The following CYRIB variants were observed in gnomAD, a reference collection of about 807,000 sequenced individuals.
CYRIB encodes CYFIP related Rac1 interactor B, also known as CYFIP-related Rac1 interactor B.
A neutral mutation model predicts 44.2 loss-of-function variants in CYRIB; 8 were observed. That is an observed-to-expected ratio of 0.18 (90% CI 0.11 to 0.33). The LOEUF (loss-of-function observed/expected upper bound fraction) is 0.33, where lower values mean the gene tolerates loss of function less well. CYRIB is among the 10% of genes least tolerant of loss of function. The pLI is 1.00. For synonymous variants in CYRIB, 131 were observed against 127.2 expected, an observed-to-expected ratio of 1.03 and a Z score of -0.20; for missense variants, 185 against 382.8, an observed-to-expected ratio of 0.48 and a Z score of 4.31.
At chr8:129,949,246 C>A (rs1347103537) in intron 2 of CYRIB, 1 of 152,142 alleles carries the variant, frequency 6.6e-6, no homozygotes, top group Admixed American at 6.5e-5. Flanking sequence ...AATATAATGA[C>A]AGAAGAACTA....
intron 2 of CYRIB, among the ~76,000 whole-genome samples, chr8:129,902,575 G>A (rs1374554093): frequency 1.3e-5 from 2 of 152,130 alleles, no homozygotes; most frequent in Admixed American, 1.3e-4. Flanking sequence ...AAAGTGCAGT[G>A]ATGCAATCTT....
At chr8:130,015,478 C>T (rs1469103128) in intron 1 of CYRIB, among the ~76,000 whole-genome samples, 1 of 152,174 alleles carries the variant, frequency 6.6e-6, no homozygotes, top group African/African-American at 2.4e-5. Context: ...AGCTAGTAAG[C>T]GGCAGGGCCA....
At chr8:129,909,205 G>A (rs1004026655) in intron 1 of CYRIB, among the ~76,000 whole-genome samples, 2 of 152,108 alleles carry the variant, frequency 1.3e-5, no homozygotes, top group Non-Finnish European at 2.9e-5. Context: ...GTAAATTGCA[G>A]TAACAGTTGC....
chr8:129,968,164 A>G (rs2095557049), intron 2 of CYRIB, among the ~76,000 whole-genome samples: 1 of 152,250 alleles, frequency 6.6e-6, no homozygotes, highest in African/African-American at 2.4e-5. Context: ...AAATGAATTA[A>G]TGCAAATAAA....
At chr8:129,841,327 CAAT>C (rs1183212290) in exon 12 of CYRIB, 1 of 152,086 alleles carries the variant, frequency 6.6e-6, no homozygotes, top group Non-Finnish European at 1.5e-5. Context: ...TATACATAGA[CAAT>C]GATCAAAATT....
chr8:129,989,173 C>T (rs192342543), intron 1 of CYRIB, among the ~76,000 whole-genome samples: 126 of 152,216 alleles, frequency 8.3e-4, no homozygotes, highest in Non-Finnish European at 1.4e-3. Context: ...TATGTGTTTT[C>T]GGCTCTTTGC....
rs2047603583 is a variant in CYRIB, at chr8:129,858,816, T to C, written c.302-3069A>G. Among the ~76,000 whole-genome samples, 4 of 152,280 alleles carry C rather than the reference T, an allele frequency of 2.6e-5. No individual in the cohort carries two copies. In the South Asian group the frequency reaches 8.3e-4, roughly 32 times the overall value. The stretch of plus-strand genomic sequence containing the variant: ...AGCAGTTTGTCCTACTACCTGACCA[T>C]ACAACCTTCCCTTAGGTATCTGCCT... On this transcript the variant is annotated intron_variant, in intron 5 of 11. Coordinates refer to ENST00000519824, the Ensembl canonical transcript of CYRIB.
intron 1 of CYRIB, among the ~76,000 whole-genome samples, chr8:130,000,989 G>C (rs2096894921): frequency 6.6e-6 from 1 of 152,186 alleles, no homozygotes; most frequent in Admixed American, 6.5e-5. Context: ...CTACCTACCA[G>C]GTACTTTCTA....
upstream of CYRIB, chr8:130,016,607 C>T (rs1348781413): frequency 1.3e-5 from 2 of 149,906 alleles, no homozygotes; most frequent in Non-Finnish European, 3.0e-5. Context: ...CGCTGTTTAC[C>T]TTCGAGAAGC....
chr8:130,014,271 C>CTA (rs1384135489), intron 1 of CYRIB, among the ~76,000 whole-genome samples: 1 of 152,146 alleles, frequency 6.6e-6, no homozygotes, highest in Admixed American at 6.6e-5. Context: ...CTCTACAAAA[C>CTA]ATTAAAAAAT....
chr8:129,975,495 T>C (rs1225544452), intron 1 of CYRIB, among the ~76,000 whole-genome samples: 2 of 152,218 alleles, frequency 1.3e-5, no homozygotes, highest in Non-Finnish European at 2.9e-5. Context: ...TTTCCTTTTT[T>C]CTTAAAAAAT....
chr8:130,012,007 T>C (rs72720365), intron 1 of CYRIB, among the ~76,000 whole-genome samples: 8,761 of 152,206 alleles, frequency 0.058, 338 homozygotes, highest in Non-Finnish European at 0.083. Flanking sequence ...AAAAGGATCC[T>C]TTCCAAAACA....
intron 2 of CYRIB, among the ~76,000 whole-genome samples, chr8:129,968,526 T>C (rs890861846): frequency 2.0e-5 from 3 of 152,162 alleles, no homozygotes; most frequent in African/African-American, 7.2e-5. Flanking sequence ...CTGAATATAG[T>C]TTTTCATTGT....
chr8:129,850,278 C>T (rs2042581221), intron 9 of CYRIB: 2 of 153,206 alleles, frequency 1.3e-5, no homozygotes, highest in African/African-American at 4.8e-5. Context: ...ATTCTTTCTG[C>T]CTGCTAACAG....
chr8:129,854,885 G>C (rs2045352718), intron 6 of CYRIB, among the ~76,000 whole-genome samples: 1 of 152,156 alleles, frequency 6.6e-6, no homozygotes. Flanking sequence ...ATGAGACCTA[G>C]TGCTTATTCC....
At chr8:129,849,186 C>A in intron 10 of CYRIB, 57 bp downstream of exon 12, 1 of 1,495,516 alleles carries the variant, frequency 6.7e-7, no homozygotes, top group South Asian at 1.3e-5. Flanking sequence ...AAAATAAAAT[C>A]CTATGGTTTC....
chr8:129,956,270 AAAT>A (rs1056703118), intron 2 of CYRIB, among the ~76,000 whole-genome samples: 3 of 152,052 alleles, frequency 2.0e-5, no homozygotes, highest in African/African-American at 7.2e-5. Flanking sequence ...ACCCCTTCTC[AAAT>A]AATAATAATA....
chr8:129,967,456 T>A (rs60310903), intron 2 of CYRIB, among the ~76,000 whole-genome samples: 4,261 of 151,872 alleles, frequency 0.028, 212 homozygotes, highest in African/African-American at 0.099. Context: ...CTCGGCTCAC[T>A]GCAAACTCCA....
chr8:129,980,352 G>A (rs532622078), intron 1 of CYRIB, among the ~76,000 whole-genome samples: 1 of 152,188 alleles, frequency 6.6e-6, no homozygotes, highest in Non-Finnish European at 1.5e-5. Flanking sequence ...CAACTACATA[G>A]CGTGGTGCTT....
Sources: gnomAD v4.1 joint callset for allele counts (sites outside exome capture counted in the v4.1 genomes callset) on GRCh38, gnomAD v4.1.1 for gene constraint, MANE v1.5 for transcripts, NCBI Gene and HGNC (gene_info 2026-07-23, HGNC 2026-07-21) for gene names.